The following PTPRM variants were observed in gnomAD, a reference collection of about 807,000 sequenced individuals.
PTPRM encodes protein tyrosine phosphatase receptor type M.
In PTPRM, 47 loss-of-function variants were observed where a neutral mutation model predicts 186.7. That is an observed-to-expected ratio of 0.25 (90% CI 0.20 to 0.32). The LOEUF is 0.32. PTPRM is among the 10% of genes least tolerant of loss of function. PTPRM has a pLI of 1.00. For missense variants in PTPRM, 1,494 were observed against 1,865.0 expected (o/e 0.80, Z 3.66); for synonymous variants, 668 against 674.9 (o/e 0.99, Z 0.16).
chr18:8,289,539 T>C (rs183073930), intron 19 of PTPRM, among the ~76,000 whole-genome samples: 1,084 of 56,806 alleles, frequency 0.019, 54 homozygotes, highest in African/African-American at 0.09. Flanking sequence ...TATATACACA[T>C]ATATATATAT....
chr18:7,816,747 A>C (rs1418398264), intron 2 of PTPRM, among the ~76,000 whole-genome samples: 1 of 152,106 alleles, frequency 6.6e-6, no homozygotes, highest in Non-Finnish European at 1.5e-5. Flanking sequence ...TAAACATATA[A>C]ATTAAAGGAA....
intron 1 of PTPRM, among the ~76,000 whole-genome samples, chr18:7,618,610 A>C (rs1422106999): frequency 1.3e-5 from 2 of 152,216 alleles, no homozygotes; most frequent in African/African-American, 4.8e-5. Context: ...TATCTTTCAG[A>C]ACCAAGTAAG....
intron 22 of PTPRM, among the ~76,000 whole-genome samples, chr18:8,324,322 G>T (rs1413028717): frequency 1.3e-5 from 2 of 152,146 alleles, no homozygotes; most frequent in Admixed American, 6.5e-5. Flanking sequence ...GGGTTTTACG[G>T]TTCATCTCAG....
chr18:7,646,997 A>C (rs1274208118), intron 1 of PTPRM, among the ~76,000 whole-genome samples: 2 of 151,840 alleles, frequency 1.3e-5, no homozygotes, highest in African/African-American at 4.8e-5. Context: ...ATGCTTTACT[A>C]TTTTTTGCCA....
intron 7 of PTPRM, among the ~76,000 whole-genome samples, chr18:8,023,831 GAC>G (rs71354587): frequency 0.034 from 3,790 of 109,952 alleles, 80 homozygotes; most frequent in East Asian, 0.081. Flanking sequence ...ATTATCAGAA[GAC>G]ACACACACAC....
chr18:8,346,381 G>A (rs2095505249), intron 23 of PTPRM, among the ~76,000 whole-genome samples: 1 of 152,218 alleles, frequency 6.6e-6, no homozygotes, highest in South Asian at 2.1e-4. Context: ...CTTTCATGTG[G>A]CCACCTTCTT....
chr18:8,404,379 A>G (rs1043268355), intron 32 of PTPRM: 1 of 152,224 alleles, frequency 6.6e-6, no homozygotes, highest in Non-Finnish European at 1.5e-5. Flanking sequence ...CTCTAGCAGT[A>G]CATGTGTATT....
chr18:7,672,683 G>C (rs2039244998), intron 1 of PTPRM, among the ~76,000 whole-genome samples: 1 of 152,156 alleles, frequency 6.6e-6, no homozygotes, highest in African/African-American at 2.4e-5. Flanking sequence ...AAATTAAATG[G>C]CTTCACTAAA....
rs1477933398 is a variant in PTPRM at position 7,767,910 on chromosome 18, AT to A, written c.74-6237del. 2.0e-5 allele frequency among the ~76,000 whole-genome samples: 3 copies of A among 152,196 alleles called. No individual in the cohort carries two copies. In the East Asian group the frequency reaches 5.8e-4, roughly 30 times the overall value. The stretch of plus-strand genomic sequence containing the variant: ...GGATGGTTTGTGGAGGAAGGTTAAG[AT>A]TGTTTTTGTTGTTCAGATGTTTATT... On this transcript the variant is annotated intron_variant, in intron 1 of 32. Coordinates refer to ENST00000580170, the MANE Select transcript of PTPRM (RefSeq NM_001105244.2).
In PTPRM at chr18:8,085,371, G is replaced by T. The variant is rs143179683; in HGVS notation, c.1552-300G>T. Among the ~76,000 whole-genome samples, 85 of 152,084 alleles carry T rather than the reference G, an allele frequency of 5.6e-4. No individual in the cohort carries two copies. The East Asian group carries it at 0.013, about 23-fold the overall frequency. ...TTTCTTATTTTGTTCTAAACCCATT[G>T]TAATGTAGTTTTACAAAATGACATT... On this transcript the variant is annotated intron_variant, in intron 9 of 32. Transcript: ENST00000580170.
chr18:8,028,625 G>C (rs2085733155), intron 7 of PTPRM, among the ~76,000 whole-genome samples: 1 of 152,132 alleles, frequency 6.6e-6, no homozygotes, highest in Admixed American at 6.5e-5. Flanking sequence ...GCCCGACTTA[G>C]CAGTGGCCTT....
In PTPRM at chr18:7,885,182, G is replaced by A. The variant is rs1382025641; in HGVS notation, c.197-2924G>A. The stretch of plus-strand genomic sequence containing the variant: ...CTTCCCACTCTCCATAGAAGTCCTC[G>A]AAGTCATTCTCTTCTAATAGAGACT... On this transcript the variant is annotated intron_variant, in intron 2 of 32. Transcript: ENST00000580170. 2.0e-5 allele frequency among the ~76,000 whole-genome samples: 3 copies of A among 152,046 alleles called. 1 individual carries two copies. Among genetic ancestry groups the A allele is most frequent in the South Asian group, 4.1e-4 (2 of 4,822 alleles).
intron 1 of PTPRM, among the ~76,000 whole-genome samples, chr18:7,653,741 A>T (rs1217939442): frequency 1.3e-5 from 2 of 152,126 alleles, no homozygotes. Context: ...TGTTGATTCC[A>T]TGTCCTTGCT....
intron 19 of PTPRM, among the ~76,000 whole-genome samples, chr18:8,284,539 A>T (rs1046907308): frequency 2.0e-5 from 3 of 152,148 alleles, no homozygotes. Context: ...AATGCCCTCC[A>T]TGTAAAATGT....
At chr18:7,875,327 A>G (rs942225454) in intron 2 of PTPRM, among the ~76,000 whole-genome samples, 2 of 143,850 alleles carry the variant, frequency 1.4e-5, no homozygotes, top group Non-Finnish European at 1.5e-5. Flanking sequence ...AACGTGCACC[A>G]TTTTTTTTTT....
At chr18:7,682,323 G>T (rs916560215) in intron 1 of PTPRM, among the ~76,000 whole-genome samples, 5 of 152,162 alleles carry the variant, frequency 3.3e-5, no homozygotes, top group Non-Finnish European at 7.4e-5. Flanking sequence ...TCTAAATGAA[G>T]AAACTAGCAT....
intron 11 of PTPRM, among the ~76,000 whole-genome samples, chr18:8,110,469 C>G (rs1474136674): frequency 3.3e-5 from 5 of 152,062 alleles, no homozygotes; most frequent in Non-Finnish European, 5.9e-5. Context: ...GGAAAAGAGG[C>G]AAAGATGTTT....
chr18:7,854,119 A>T (rs1341449483), intron 2 of PTPRM, among the ~76,000 whole-genome samples: 1 of 152,232 alleles, frequency 6.6e-6, no homozygotes, highest in African/African-American at 2.4e-5. Flanking sequence ...CCATAAGAGA[A>T]TGAAGGAAAA....
intron 7 of PTPRM, among the ~76,000 whole-genome samples, chr18:8,019,095 C>A (rs908947061): frequency 7.2e-5 from 11 of 152,200 alleles, no homozygotes; most frequent in African/African-American, 2.7e-4. Context: ...GCAGCAAAAC[C>A]TTCTAGATAG....
Sources: allele counts gnomAD v4.1 joint callset (sites outside exome capture counted in the v4.1 genomes callset), GRCh38; gene constraint gnomAD v4.1.1; transcripts MANE v1.5; gene names NCBI Gene and HGNC (gene_info 2026-07-23, HGNC 2026-07-21).